The following MEGF10 variants were observed in gnomAD, a reference collection of about 807,000 sequenced individuals.
MEGF10 encodes the protein multiple EGF like domains 10.
Under a neutral mutation model 147.5 loss-of-function variants are expected in MEGF10, and 86 were observed. The ratio of observed to expected loss-of-function variants is 0.58; its 90% CI spans 0.49 to 0.70. The LOEUF (loss-of-function observed/expected upper bound fraction) is 0.70. MEGF10 is among the 30% of genes least tolerant of loss of function. The pLI is 0.00. For synonymous variants in MEGF10, 478 were observed against 525.5 expected (o/e 0.91, Z 1.24); for missense variants, 1,329 against 1,487.3 (o/e 0.89, Z 1.75).
intron 5 of MEGF10, among the ~76,000 whole-genome samples, chr5:127,393,089 T>C (rs541292663): frequency 1.7e-4 from 26 of 152,370 alleles, no homozygotes; most frequent in Non-Finnish European, 3.1e-4. Flanking sequence ...AAAATTAGGA[T>C]ACTCAAGCTA....
In MEGF10 at chr5:127,296,421, A is replaced by C. The variant is rs991733262; in HGVS notation, c.-19+5365A>C. On this transcript the variant is annotated intron_variant, in intron 1 of 24. Coordinates refer to ENST00000503335, the MANE Select transcript of MEGF10 (RefSeq NM_001256545.2). ...CACCTCAATTTCCTACTTAGAGGGC[A>C]ATAAATTGTACCCCTTCCCACTTCT... Among the ~76,000 whole-genome samples the C allele has an allele frequency of 5.9e-5, 9 of 152,262 alleles. No individual in the cohort carries two copies. In the East Asian group the frequency reaches 1.3e-3, roughly 23 times the overall value.
the MEGF10 span, among the ~76,000 whole-genome samples, chr5:127,263,434 A>G: frequency 6.6e-6 from 1 of 152,114 alleles, no homozygotes; most frequent in South Asian, 2.1e-4. Context: ...TGGTTTTACA[A>G]TTGTATTTTA....
At position 127,420,551 on chromosome 5, in the gene MEGF10, T is replaced by G. The variant is rs910216275; in HGVS notation, c.1590+344T>G. On this transcript the variant is annotated intron_variant, in intron 12 of 24. Transcript: ENST00000503335. ...TCCAAATATTTTGTTTCCACTATCATGGAAATCTCCCTGCCTTTATGGTAG... is the reference window on the plus strand; with the variant it reads ...TCCAAATATTTTGTTTCCACTATCAGGGAAATCTCCCTGCCTTTATGGTAG... Among the ~76,000 whole-genome samples, 4 of 152,088 alleles carry G rather than the reference T, an allele frequency of 2.6e-5. No individual in the cohort carries two copies. In the South Asian group the frequency reaches 6.2e-4, roughly 24 times the overall value.
intron 7 of MEGF10, among the ~76,000 whole-genome samples, chr5:127,400,394 A>G (rs1764080460): frequency 6.6e-6 from 1 of 152,202 alleles, no homozygotes; most frequent in African/African-American, 2.4e-5. Flanking sequence ...CCAAACTTGT[A>G]CACCCAAGCC....
At chr5:127,367,798 A>T (rs1461094413) in intron 4 of MEGF10, among the ~76,000 whole-genome samples, 1 of 152,210 alleles carries the variant, frequency 6.6e-6, no homozygotes, top group African/African-American at 2.4e-5. Context: ...GCAAACATAG[A>T]TGCCATCAGT....
chr5:127,241,320 T>C, the MEGF10 span, among the ~76,000 whole-genome samples: 169 of 152,324 alleles, frequency 1.1e-3, 1 homozygote, highest in African/African-American at 3.8e-3. Flanking sequence ...CAGGGGTGTC[T>C]CTTCATCTCC....
chr5:127,417,722 CG>C lies in MEGF10; in HGVS notation c.1219del (p.Glu407LysfsTer18). 6.2e-7 allele frequency: 1 copy of C among 1,614,016 alleles called. No homozygotes were observed. The highest frequency in any genetic ancestry group is 8.5e-7 in the Non-Finnish European group (1 of 1,179,990). On this transcript the variant is annotated frameshift_variant, in exon 10 of 25. Transcript: ENST00000503335. LOFTEE classifies it high-confidence loss of function. ...CNETCSPGFY[G>X]EACQQICSCQ... Reference sequence around the variant, plus strand: ...ATGAGACATGTTCTCCTGGATTCTACGGGGAAGCTTGCCAGCAGATCTGCAG... The same window carrying C: ...ATGAGACATGTTCTCCTGGATTCTACGGGAAGCTTGCCAGCAGATCTGCAG...
At chr5:127,270,528 G>A in the MEGF10 span, among the ~76,000 whole-genome samples, 1,533 of 152,276 alleles carry the variant, frequency 0.01, 25 homozygotes, top group African/African-American at 0.035. Context: ...AACAAGAAGA[G>A]CTAACTATCT....
the MEGF10 span, among the ~76,000 whole-genome samples, chr5:127,251,304 G>C: frequency 6.6e-6 from 1 of 152,048 alleles, no homozygotes; most frequent in Admixed American, 6.6e-5. Flanking sequence ...GTTTAGTATA[G>C]TAAAGAGCAC....
At chr5:127,368,356 C>T (rs1443375262) in intron 4 of MEGF10, among the ~76,000 whole-genome samples, 1 of 152,196 alleles carries the variant, frequency 6.6e-6, no homozygotes, top group African/African-American at 2.4e-5. Flanking sequence ...CTCACTAAAT[C>T]GCCTAGGTGC....
At chr5:127,350,593 A>G (rs1762050093) in intron 4 of MEGF10, among the ~76,000 whole-genome samples, 1 of 151,922 alleles carries the variant, frequency 6.6e-6, no homozygotes, top group Non-Finnish European at 1.5e-5. Context: ...TGAGTAAATC[A>G]CTGTTGATGT....
intron 2 of MEGF10, among the ~76,000 whole-genome samples, chr5:127,337,374 C>T (rs1180919420): frequency 6.6e-6 from 1 of 151,956 alleles, no homozygotes; most frequent in African/African-American, 2.4e-5. Context: ...ATGACTCAGG[C>T]CACATAGTTA....
intron 1 of MEGF10, among the ~76,000 whole-genome samples, chr5:127,310,672 T>C (rs1459164750): frequency 6.6e-6 from 1 of 152,194 alleles, no homozygotes; most frequent in Admixed American, 6.6e-5. Flanking sequence ...CATTCTCTTC[T>C]CTTCTTCTCA....
intron 5 of MEGF10, among the ~76,000 whole-genome samples, chr5:127,386,152 C>G (rs1448005978): frequency 6.6e-6 from 1 of 152,194 alleles, no homozygotes; most frequent in African/African-American, 2.4e-5. Context: ...ACCTGACCTG[C>G]TCAGTTCACC....
intron 1 of MEGF10, among the ~76,000 whole-genome samples, chr5:127,307,978 G>T (rs552559816): frequency 6.6e-6 from 1 of 152,258 alleles, no homozygotes; most frequent in East Asian, 1.9e-4. Context: ...CAGAAGTCTC[G>T]CTGTCCCCTC....
intron 1 of MEGF10, among the ~76,000 whole-genome samples, chr5:127,311,932 G>A (rs1431569904): frequency 1.3e-5 from 2 of 152,184 alleles, no homozygotes; most frequent in African/African-American, 2.4e-5. Flanking sequence ...TAGATATCCA[G>A]AGAAGCCAGC....
intron 6 of MEGF10, 29 bp downstream of exon 6, chr5:127,396,807 C>T: frequency 6.3e-7 from 1 of 1,599,162 alleles, no homozygotes; most frequent in Non-Finnish European, 8.5e-7. Flanking sequence ...AGCAGCAGAG[C>T]AGAGCCCACC....
the MEGF10 span, among the ~76,000 whole-genome samples, chr5:127,231,457 C>A: frequency 6.6e-6 from 1 of 152,208 alleles, no homozygotes; most frequent in African/African-American, 2.4e-5. Flanking sequence ...TCCATCAGGT[C>A]TCTGCTTAAA....
intron 1 of MEGF10, among the ~76,000 whole-genome samples, chr5:127,302,157 C>A (rs942945368): frequency 6.6e-6 from 1 of 152,088 alleles, no homozygotes; most frequent in Non-Finnish European, 1.5e-5. Context: ...GTCTTGTGTA[C>A]AAATGCTCCT....
Sources: gnomAD v4.1 joint callset for allele counts (sites outside exome capture counted in the v4.1 genomes callset) on GRCh38, gnomAD v4.1.1 for gene constraint, MANE v1.5 for transcripts, NCBI Gene and HGNC (gene_info 2026-07-23, HGNC 2026-07-21) for gene names.